Variants in TOGARAM1 observed in about 807,000 individuals in gnomAD.
TOGARAM1 encodes the protein TOG array regulator of axonemal microtubules 1, also known as TOG array regulator of axonemal microtubules protein 1.
A neutral mutation model predicts 166.6 loss-of-function variants in TOGARAM1; 100 were observed. The observed-to-expected ratio is 0.60, with a 90% CI of 0.51 to 0.71. The LOEUF is 0.71. TOGARAM1 is among the 30% of genes least tolerant of loss of function. TOGARAM1 has a pLI of 0.00. For missense variants in TOGARAM1, 2,029 were observed against 2,102.7 expected, an observed-to-expected ratio of 0.96 and a Z score of 0.69; for synonymous variants, 758 against 763.8, an observed-to-expected ratio of 0.99 and a Z score of 0.13.
chr14:44,980,059 T>C (rs988399140), intron 1 of TOGARAM1, among the ~76,000 whole-genome samples: 11 of 152,210 alleles, frequency 7.2e-5, no homozygotes, highest in African/African-American at 2.4e-4. Context: ...GCTGGCCTCC[T>C]CTGTAGTCTT....
intron 1 of TOGARAM1, among the ~76,000 whole-genome samples, chr14:44,982,254 A>C (rs998391460): frequency 1.3e-5 from 2 of 152,164 alleles, no homozygotes; most frequent in Non-Finnish European, 2.9e-5. Context: ...TGGAATATTT[A>C]GACTTTTAAT....
At chr14:44,986,393 G>A (rs1566610089) in intron 1 of TOGARAM1, among the ~76,000 whole-genome samples, 2 of 152,044 alleles carry the variant, frequency 1.3e-5, no homozygotes, top group African/African-American at 2.4e-5. Flanking sequence ...GGGTTTGAGC[G>A]ATCCCCCTAC....
At chr14:44,990,943 C>T (rs1887089202) in intron 1 of TOGARAM1, among the ~76,000 whole-genome samples, 1 of 141,838 alleles carries the variant, frequency 7.1e-6, no homozygotes, top group South Asian at 2.2e-4. Context: ...GCCACTACAC[C>T]CAGCTGAGGC....
At chr14:44,986,718 C>G (rs977188011) in intron 1 of TOGARAM1, among the ~76,000 whole-genome samples, 2 of 151,302 alleles carry the variant, frequency 1.3e-5, no homozygotes, top group Admixed American at 6.6e-5. Flanking sequence ...CAAAACTAAC[C>G]TGTGTTGGCT....
At chr14:45,034,932 C>G (rs936343813) in intron 11 of TOGARAM1, among the ~76,000 whole-genome samples, 1 of 151,974 alleles carries the variant, frequency 6.6e-6, no homozygotes, top group Non-Finnish European at 1.5e-5. Flanking sequence ...AATTAGTAGA[C>G]AAAGACATTG....
intron 7 of TOGARAM1, among the ~76,000 whole-genome samples, chr14:45,022,583 G>T (rs1005133317): frequency 6.6e-6 from 1 of 151,744 alleles, no homozygotes; most frequent in African/African-American, 2.4e-5. Flanking sequence ...TTGGTTAGCT[G>T]CAGGCAAAAG....
rs748752533 is a variant in TOGARAM1, at chr14:44,962,991, A to G, written c.570A>G (p.Glu190=). The G allele has an allele frequency of 3.1e-6, 5 of 1,614,070 alleles. No individual in the cohort carries two copies. The Admixed American group carries it at 6.7e-5, about 22-fold the overall frequency. Residue 190 remains glutamate, a synonymous_variant, in exon 1 of 20, where the codon GAA becomes GAG. Coordinates refer to ENST00000361462, the MANE Select transcript of TOGARAM1 (RefSeq NM_001308120.2). ...CTCAACTAGTTGTCTCGTTACGGGA[A>G]GAGAATCCAGCCCTGCGGAAAGATG... ...LLPQLVVSLR[E]ENPALRKDAL...
chr14:45,071,827 A>C, intron 19 of TOGARAM1, 29 bp downstream of exon 19: 1 of 1,530,976 alleles, frequency 6.5e-7, no homozygotes, highest in Non-Finnish European at 9.0e-7. Context: ...CTAAAGAAAT[A>C]TTTTATTAAC....
chr14:44,964,837 G>GA (rs938397869), intron 1 of TOGARAM1, among the ~76,000 whole-genome samples: 62 of 149,082 alleles, frequency 4.2e-4, no homozygotes, highest in African/African-American at 1.4e-3. Context: ...CACAGTATAG[G>GA]AAAAAGGTCA....
chr14:45,057,495 T>C (rs572672292), intron 16 of TOGARAM1, among the ~76,000 whole-genome samples: 1 of 152,196 alleles, frequency 6.6e-6, no homozygotes, highest in South Asian at 2.1e-4. Flanking sequence ...GGCATCATCA[T>C]AGCCCATTGC....
chr14:45,023,750 T>C (rs1880663323), intron 7 of TOGARAM1, among the ~76,000 whole-genome samples: 1 of 152,198 alleles, frequency 6.6e-6, no homozygotes, highest in Non-Finnish European at 1.5e-5. Flanking sequence ...CATAACTTTT[T>C]TTTTTTTAAG....
At position 45,073,332 on chromosome 14, in the gene TOGARAM1, C is replaced by A; in HGVS notation, c.5093C>A (p.Ala1698Asp). 6.2e-7 allele frequency: 1 copy of A among 1,614,056 alleles called. No homozygotes were observed. The highest frequency in any genetic ancestry group is 8.5e-7 in the Non-Finnish European group (1 of 1,179,998). The stretch of plus-strand genomic sequence containing the variant: ...GAACTTTATCAAAGGAAGCCGCATG[C>A]CACAGAGCAGAAAGTGTTGGTTGTT... ...VTELYQRKPH[A>D]TEQKVLVVLW... is the part of the protein sequence containing the mutation. Residue 1698 changes from alanine (A) to aspartate (D), a missense_variant, in exon 20 of 20, where the codon GCC (alanine) becomes GAC (aspartate). Ala to Asp is a moderately radical substitution (Grantham distance 126, BLOSUM62 -2). Transcript: ENST00000361462.
chr14:44,967,725 TA>T (rs950626448), intron 1 of TOGARAM1, among the ~76,000 whole-genome samples: 1 of 152,064 alleles, frequency 6.6e-6, no homozygotes, highest in African/African-American at 2.4e-5. Flanking sequence ...GTAGATGGGG[TA>T]AAGTATGGAG....
At chr14:45,047,221 C>G (rs1882109834) in intron 14 of TOGARAM1, among the ~76,000 whole-genome samples, 1 of 151,814 alleles carries the variant, frequency 6.6e-6, no homozygotes, top group Non-Finnish European at 1.5e-5. Context: ...GAAACCCCGT[C>G]TCTACTAAAA....
In TOGARAM1 at chr14:45,038,288, C is replaced by T. The variant is rs140025377; in HGVS notation, c.3813-5398C>T. 2.6e-3 allele frequency among the ~76,000 whole-genome samples: 394 copies of T among 152,342 alleles called. 1 individual carries two copies. Among genetic ancestry groups the T allele is most frequent in the African/African-American group, 9.0e-3 (373 of 41,590 alleles). ...CCAGAAACCTCTGTGGCCAGTGCTG[C>T]CTTTGCCCAAGTTTTGCTCAGGCCC... On this transcript the variant is annotated intron_variant, in intron 11 of 19. Coordinates refer to ENST00000361462, the MANE Select transcript of TOGARAM1 (RefSeq NM_001308120.2).
At position 45,006,062 on chromosome 14, in the gene TOGARAM1, C is replaced by T. The variant is rs138569436; in HGVS notation, c.2699C>T (p.Ser900Leu). 129 of 1,613,178 alleles carry T rather than the reference C, an allele frequency of 8.0e-5. No individual in the cohort carries two copies. In the African/African-American group the frequency reaches 1.4e-3, roughly 17 times the overall value. The change falls in exon 5 of 20, where the codon TCG becomes TTG. Residue 900 changes from serine to leucine, a missense_variant. Around this residue, in one of 2 missense-constraint regions of TOGARAM1, gnomAD observed 1,453 missense variants for 1,432.2 expected, o/e 1.01. Coordinates refer to ENST00000361462, the MANE Select transcript of TOGARAM1 (RefSeq NM_001308120.2). Reference sequence around the variant, plus strand: ...CAGCTTACACCTGCCTTGGTGAGATCGCCATCTTCCCGACGAGGTCTAAAT... The same window carrying T: ...CAGCTTACACCTGCCTTGGTGAGATTGCCATCTTCCCGACGAGGTCTAAAT... ...PVQLTPALVR[S>L]PSSRRGLNGT... is the part of the protein sequence containing the mutation.
At chr14:44,974,060 T>A (rs537075795) in intron 1 of TOGARAM1, among the ~76,000 whole-genome samples, 1 of 152,122 alleles carries the variant, frequency 6.6e-6, no homozygotes, top group East Asian at 1.9e-4. Flanking sequence ...TTTCTGACAT[T>A]AATTGGGGGA....
At position 44,993,950 on chromosome 14, in the gene TOGARAM1, G is replaced by C. The variant is rs565262441; in HGVS notation, c.2047-1796G>C. On this transcript the variant is annotated intron_variant, in intron 1 of 19. Transcript: ENST00000361462. ...TTCTGGATTACTCACTATGTTAGCT[G>C]TATTAATACATCATCTTTTAATATA... Among the ~76,000 whole-genome samples the C allele has an allele frequency of 3.5e-4, 54 of 152,312 alleles. 2 individuals carry two copies. The South Asian group carries it at 0.01, about 29-fold the overall frequency.
intron 14 of TOGARAM1, among the ~76,000 whole-genome samples, chr14:45,050,624 G>A (rs1439412274): frequency 7.3e-5 from 11 of 151,440 alleles, no homozygotes; most frequent in Admixed American, 2.6e-4. Context: ...CCTTTTTCTC[G>A]TTCCTTTTTT....
Sources: gnomAD v4.1 joint callset for allele counts (sites outside exome capture counted in the v4.1 genomes callset) on GRCh38, gnomAD v4.1.1 for gene constraint, gnomAD v4.1.1 regional missense constraint, MANE v1.5 for transcripts, NCBI Gene and HGNC (gene_info 2026-07-23, HGNC 2026-07-21) for gene names.